Variants in STYK1 observed in about 807,000 individuals in gnomAD.
STYK1 encodes the protein tyrosine-protein kinase STYK1.
In STYK1, 46 loss-of-function variants were observed where a neutral mutation model predicts 48.1. The ratio of observed to expected loss-of-function variants is 0.96; its 90% CI spans 0.75 to 1.22. The LOEUF is 1.22. STYK1 is among the 50% of genes most tolerant of loss of function. The pLI is 0.00. For missense variants in STYK1, 527 were observed against 521.1 expected, an observed-to-expected ratio of 1.01 and a Z score of -0.11; for synonymous variants, 188 against 189.0, an observed-to-expected ratio of 0.99 and a Z score of 0.04.
chr12:10,668,203 T>C (rs983016299), intron 1 of STYK1, among the ~76,000 whole-genome samples: 1 of 152,014 alleles, frequency 6.6e-6, no homozygotes, highest in Non-Finnish European at 1.5e-5. Context: ...ATAAAAATAA[T>C]AATAAAACAA....
At chr12:10,650,118 T>C (rs1565569598) in intron 1 of STYK1, among the ~76,000 whole-genome samples, 1 of 15,298 alleles carries the variant, frequency 6.5e-5, no homozygotes, top group Non-Finnish European at 1.3e-4. Context: ...AGACTCTGTC[T>C]CAAAAAAAAA....
intron 4 of STYK1, among the ~76,000 whole-genome samples, chr12:10,632,031 G>A (rs569914190): frequency 6.6e-6 from 1 of 152,176 alleles, no homozygotes; most frequent in African/African-American, 2.4e-5. Flanking sequence ...AATATATCAA[G>A]CAATTAATGT....
chr12:10,671,363 C>T (rs1399578176), intron 1 of STYK1, among the ~76,000 whole-genome samples: 1 of 152,104 alleles, frequency 6.6e-6, no homozygotes, highest in African/African-American at 2.4e-5. Context: ...AATCAACTGA[C>T]CTTAAAATAG....
intron 9 of STYK1, 114 bp from the exon 10 acceptor site, chr12:10,622,086 A>T (rs1248080682): frequency 5.0e-6 from 4 of 807,410 alleles, no homozygotes; most frequent in Non-Finnish European, 8.1e-6. Context: ...CCATAGGAAA[A>T]ATACTACATA....
At chr12:10,669,423 C>T (rs535288716) in intron 1 of STYK1, among the ~76,000 whole-genome samples, 4 of 123,782 alleles carry the variant, frequency 3.2e-5, no homozygotes, top group Admixed American at 3.2e-4. Context: ...AAACATTGAG[C>T]CTTCAGAATA....
chr12:10,654,447 C>CTT (rs1041421448), intron 1 of STYK1, among the ~76,000 whole-genome samples: 1 of 152,122 alleles, frequency 6.6e-6, no homozygotes, highest in African/African-American at 2.4e-5. Context: ...ATTGGGACCC[C>CTT]TTTCCAATAA....
intron 1 of STYK1, among the ~76,000 whole-genome samples, chr12:10,658,977 G>A (rs558642615): frequency 2.6e-5 from 4 of 152,242 alleles, no homozygotes; most frequent in Non-Finnish European, 5.9e-5. Context: ...TTTTAAAGGT[G>A]CCTTATAGTC....
chr12:10,629,702 G>C, intron 5 of STYK1, 28 bp from the exon 6 acceptor site: 1 of 1,613,450 alleles, frequency 6.2e-7, no homozygotes, highest in Non-Finnish European at 8.5e-7. Flanking sequence ...TCCAGGCAGT[G>C]AGCAGTCAGA....
intron 6 of STYK1, among the ~76,000 whole-genome samples, chr12:10,628,416 A>C (rs1947384075): frequency 6.6e-6 from 1 of 152,240 alleles, no homozygotes; most frequent in Non-Finnish European, 1.5e-5. Flanking sequence ...TATAAAGATA[A>C]TCTGAAATAG....
rs1947868067 is a variant in STYK1, at chr12:10,669,298, A to T, written c.-195+4668T>A. On this transcript the variant is annotated intron_variant, in intron 1 of 10. Coordinates refer to ENST00000075503, the MANE Select transcript of STYK1 (RefSeq NM_018423.3). ...GTTTTTAACAGTATATATAGCAAGT[A>T]CATGGTACCCAGGTTTCTGTTCGAT... 2.0e-5 allele frequency among the ~76,000 whole-genome samples: 3 copies of T among 152,328 alleles called. No individual in the cohort carries two copies. The South Asian group carries it at 6.2e-4, about 32-fold the overall frequency.
chr12:10,639,616 G>A (rs1947522384), intron 1 of STYK1, among the ~76,000 whole-genome samples: 1 of 152,048 alleles, frequency 6.6e-6, no homozygotes, highest in South Asian at 2.1e-4. Context: ...GTTTTATCAT[G>A]TTGGCCAGGC....
At chr12:10,658,804 T>C (rs1334486370) in intron 1 of STYK1, among the ~76,000 whole-genome samples, 1 of 152,212 alleles carries the variant, frequency 6.6e-6, no homozygotes, top group Non-Finnish European at 1.5e-5. Context: ...GGGAAACTCC[T>C]ATAATTCTAA....
At chr12:10,660,352 A>T (rs1947762989) in intron 1 of STYK1, among the ~76,000 whole-genome samples, 1 of 152,190 alleles carries the variant, frequency 6.6e-6, no homozygotes, top group South Asian at 2.1e-4. Flanking sequence ...TACAAAAAAC[A>T]CTAATAGTTA....
At position 10,663,801 on chromosome 12, in the gene STYK1, G is replaced by C. The variant is rs371573219; in HGVS notation, c.-195+10165C>G. Among the ~76,000 whole-genome samples, 4 of 151,504 alleles carry C rather than the reference G, an allele frequency of 2.6e-5. No homozygotes were observed. In the East Asian group the frequency reaches 5.8e-4, roughly 22 times the overall value. On this transcript the variant is annotated intron_variant, in intron 1 of 10. Transcript: ENST00000075503. ...TGTTAAGGATGTAGATCAATTTGGG[G>C]CGTACCACTATCTTAACAATATTAA...
intron 1 of STYK1, among the ~76,000 whole-genome samples, chr12:10,647,780 G>T (rs574799465): frequency 6.6e-6 from 1 of 152,270 alleles, no homozygotes; most frequent in Non-Finnish European, 1.5e-5. Flanking sequence ...TCCTGTGCTT[G>T]TGAGAGTGAA....
intron 1 of STYK1, among the ~76,000 whole-genome samples, chr12:10,641,201 C>G (rs1007994335): frequency 1.3e-5 from 2 of 152,156 alleles, no homozygotes; most frequent in South Asian, 2.1e-4. Context: ...ACGCCACCCC[C>G]ACTCAGCACA....
At chr12:10,659,077 T>C (rs1456012147) in intron 1 of STYK1, among the ~76,000 whole-genome samples, 1 of 152,202 alleles carries the variant, frequency 6.6e-6, no homozygotes, top group Non-Finnish European at 1.5e-5. Flanking sequence ...ACTTTCATGA[T>C]TCTCACGGAG....
At chr12:10,627,867 G>A in intron 6 of STYK1, 143 bp from the exon 7 acceptor site, 1 of 616,408 alleles carries the variant, frequency 1.6e-6, no homozygotes, top group Non-Finnish European at 2.7e-6. Context: ...GTGAGGCTGT[G>A]GGAGATTTTC....
chr12:10,627,753 T>C (rs1188735044), intron 6 of STYK1, 29 bp from the exon 7 acceptor site: 1 of 1,570,700 alleles, frequency 6.4e-7, no homozygotes, highest in Admixed American at 1.8e-5. Context: ...AAAGCCATTA[T>C]ATCAAAATAG....
Sources: gnomAD v4.1 joint callset for allele counts (sites outside exome capture counted in the v4.1 genomes callset) on GRCh38, gnomAD v4.1.1 for gene constraint, MANE v1.5 for transcripts, NCBI Gene and HGNC (gene_info 2026-07-23, HGNC 2026-07-21) for gene names.